The following SMC2 variants were observed in gnomAD, a reference collection of about 807,000 sequenced individuals.
SMC2 encodes structural maintenance of chromosomes protein 2.
A neutral mutation model predicts 142.6 loss-of-function variants in SMC2; 41 were observed. The observed-to-expected ratio is 0.29, with a 90% CI of 0.22 to 0.37. The LOEUF is 0.37. SMC2 is among the 10% of genes least tolerant of loss of function. The pLI, the probability that SMC2 is intolerant of heterozygous loss-of-function variation, is 1.00. For synonymous variants in SMC2, 463 were observed against 457.5 expected, an observed-to-expected ratio of 1.01 and a Z score of -0.15; for missense variants, 1,265 against 1,373.7, an observed-to-expected ratio of 0.92 and a Z score of 1.25.
At chr9:104,100,014 C>A in intron 5 of SMC2, 79 bp from the exon 6 acceptor site, 1 of 849,070 alleles carries the variant, frequency 1.2e-6, no homozygotes, top group Non-Finnish European at 1.9e-6. Context: ...GAGGTCAAGG[C>A]AAAAATGATA....
At chr9:104,125,878 T>C (rs1024650673) in intron 18 of SMC2, among the ~76,000 whole-genome samples, 10 of 151,922 alleles carry the variant, frequency 6.6e-5, no homozygotes, top group South Asian at 6.2e-4. Flanking sequence ...CCTCGCATTT[T>C]TTTTTAGCCC....
upstream of SMC2, among the ~76,000 whole-genome samples, chr9:104,091,607 T>A (rs1829982043): frequency 6.6e-6 from 1 of 152,236 alleles, no homozygotes; most frequent in Admixed American, 6.5e-5. Flanking sequence ...TCAATTCATT[T>A]CCTTGAACCT....
chr9:104,141,013 T>C lies in SMC2; in HGVS notation c.*1698T>C, dbSNP rs563632689. The C allele has an allele frequency of 6.6e-6, 1 of 152,230 alleles. No homozygotes were observed. Among genetic ancestry groups the C allele is most frequent in the African/African-American group, 2.4e-5 (1 of 41,460 alleles). The allele number at this position is 152,230 out of a possible 1,614,324, so 9.4% of individuals were successfully genotyped here. A position where few individuals can be genotyped will look rare whatever the true frequency, so the allele number is the denominator to read the frequency against. On this transcript the variant is annotated 3_prime_UTR_variant, in exon 25 of 25. Coordinates refer to ENST00000374793, the MANE Select transcript of SMC2 (RefSeq NM_006444.3). ...TGATTTTTGTCTTGTATAATCTTGA[T>C]CTTTGAAAACCCTCAAACATGTATT... is the stretch of plus-strand genomic sequence containing the variant.
intron 7 of SMC2, 108 bp downstream of exon 7, chr9:104,100,541 C>A: frequency 4.3e-6 from 3 of 702,828 alleles, no homozygotes; most frequent in Non-Finnish European, 4.8e-6. Flanking sequence ...TTTTTTCCTG[C>A]GATGAGATAA....
In SMC2 at chr9:104,095,304, G is replaced by A. The variant is rs1000669076; in HGVS notation, c.-61-20G>A. The A allele has an allele frequency of 7.3e-6, 8 of 1,090,616 alleles. No individual in the cohort carries two copies. The highest frequency in any genetic ancestry group is 3.1e-4 in the Middle Eastern group (1 of 3,202). 67.6% of individuals were successfully genotyped at this position (1,090,616 alleles called of 1,614,324 possible). ...CAGGTTTACATTCCACTTAGGTGGT[G>A]GTATTTCTGTTTCGTACAGAACTGG... is the stretch of plus-strand genomic sequence containing the variant. On this transcript the variant is annotated intron_variant, in intron 1 of 24. Coordinates refer to ENST00000374793, the MANE Select transcript of SMC2 (RefSeq NM_006444.3).
At chr9:104,132,606 G>T (rs186426186) in intron 22 of SMC2, among the ~76,000 whole-genome samples, 1 of 152,112 alleles carries the variant, frequency 6.6e-6, no homozygotes, top group Non-Finnish European at 1.5e-5. Flanking sequence ...TAGCAAACCT[G>T]TGCCTTCTGG....
chr9:104,091,105 G>A (rs556628809), upstream of SMC2, among the ~76,000 whole-genome samples: 2 of 152,254 alleles, frequency 1.3e-5, no homozygotes, highest in Non-Finnish European at 2.9e-5. Flanking sequence ...TATATTCGGT[G>A]AACCCACAGT....
intron 8 of SMC2, 87 bp from the exon 9 acceptor site, chr9:104,102,329 CTTATAAAA>C: frequency 8.1e-7 from 1 of 1,231,392 alleles, no homozygotes; most frequent in Non-Finnish European, 1.1e-6. Flanking sequence ...AATGAAATAA[CTTATAAAA>C]AAGTGTTTGA....
intron 20 of SMC2, among the ~76,000 whole-genome samples, chr9:104,127,913 G>T (rs192178442): frequency 6.6e-6 from 1 of 152,154 alleles, no homozygotes; most frequent in Admixed American, 6.5e-5. Flanking sequence ...CTTTATGAGT[G>T]TTACTGCTGT....
intron 18 of SMC2, among the ~76,000 whole-genome samples, 159 bp downstream of exon 18, chr9:104,125,264 G>A (rs771761625): frequency 6.6e-6 from 1 of 152,122 alleles, no homozygotes; most frequent in Non-Finnish European, 1.5e-5. Flanking sequence ...ACAAGTCAAA[G>A]GAGTATCCAG....
At chr9:104,120,405 A>C (rs916397742) in intron 16 of SMC2, among the ~76,000 whole-genome samples, 1 of 152,206 alleles carries the variant, frequency 6.6e-6, no homozygotes, top group Non-Finnish European at 1.5e-5. Flanking sequence ...AAATCATTCA[A>C]ATATTCCATT....
At chr9:104,125,170 G>A (rs773871082) in intron 18 of SMC2, 65 bp downstream of exon 18, 37 of 1,167,906 alleles carry the variant, frequency 3.2e-5, no homozygotes, top group Non-Finnish European at 4.5e-5. Flanking sequence ...AGGTGGTAGA[G>A]CATCATTGGT....
chr9:104,133,208 A>C (rs1835177200), intron 22 of SMC2, among the ~76,000 whole-genome samples: 1 of 152,056 alleles, frequency 6.6e-6, no homozygotes, highest in African/African-American at 2.4e-5. Flanking sequence ...ATCTATGAAT[A>C]TAACTCATTT....
intron 18 of SMC2, 22 bp downstream of exon 18, chr9:104,125,127 T>C: frequency 6.5e-7 from 1 of 1,529,860 alleles, no homozygotes; most frequent in Non-Finnish European, 8.8e-7. Flanking sequence ...TTTTTGAAAT[T>C]GAACCAACCT....
chr9:104,115,534 G>GAGAT (rs1266674213), intron 13 of SMC2, among the ~76,000 whole-genome samples: 1 of 151,204 alleles, frequency 6.6e-6, no homozygotes, highest in Non-Finnish European at 1.5e-5. Context: ...GCGGTAAGCT[G>GAGAT]AGATTGCACC....
chr9:104,096,336 T>A (rs373917071), intron 3 of SMC2, 39 bp downstream of exon 3: 4 of 1,597,494 alleles, frequency 2.5e-6, no homozygotes, highest in Non-Finnish European at 3.4e-6. Flanking sequence ...TTAAGACCTT[T>A]TATGTCTGAT....
rs1832894574 is a variant in SMC2 at position 104,114,781 on chromosome 9, A to G, written c.1623A>G (p.Leu541=). The part of the protein sequence containing the change: ...SVKDTSATTA[L]ELVAGERLYN... ...AAGACACTTCTGCAACCACAGCTTT[A>G]GAATTAGTGGCTGGAGAACGACTCT... The change falls in exon 13 of 25, where the codon TTA becomes TTG. Residue 541 remains leucine, a synonymous_variant. Transcript: ENST00000374793. 6.2e-7 allele frequency: 1 copy of G among 1,613,298 alleles called. No individual in the cohort carries two copies.
chr9:104,106,969 C>A (rs76756162), intron 9 of SMC2, among the ~76,000 whole-genome samples: 18,868 of 152,124 alleles, frequency 0.12, 1,478 homozygotes, highest in Non-Finnish European at 0.15. Flanking sequence ...TAAACCCCGC[C>A]ATACTATTAG....
chr9:104,097,508 GAAAAAA>G (rs59646608), intron 3 of SMC2, among the ~76,000 whole-genome samples: 1 of 121,872 alleles, frequency 8.2e-6, no homozygotes, highest in Non-Finnish European at 1.7e-5. Flanking sequence ...GCCTCTGGTT[GAAAAAA>G]AAAAAAAAAA....
Sources: gnomAD v4.1 joint callset for allele counts (sites outside exome capture counted in the v4.1 genomes callset) on GRCh38, gnomAD v4.1.1 for gene constraint, MANE v1.5 for transcripts, NCBI Gene and HGNC (gene_info 2026-07-23, HGNC 2026-07-21) for gene names.